Variants in SBNO2 observed in about 807,000 individuals in gnomAD.
SBNO2 encodes strawberry notch homolog 2, also known as protein strawberry notch homolog 2.
In SBNO2, 89 loss-of-function variants were observed where a neutral mutation model predicts 146.3. That is an observed-to-expected ratio of 0.61 (90% CI 0.51 to 0.73). The LOEUF is 0.73. Among genes scored for constraint, SBNO2 ranks in the 30% least tolerant of loss-of-function variants. The probability of loss-of-function intolerance (pLI) is 0.00; values close to 1 mark genes in which losing one functional copy is unlikely to be tolerated. For synonymous variants in SBNO2, 1,147 were observed against 892.6 expected (o/e 1.29, Z -5.08); for missense variants, 2,092 against 2,003.7 (o/e 1.04, Z -0.84).
chr19:1,146,767 T>G (rs1568615471), intron 4 of SBNO2, among the ~76,000 whole-genome samples: 7 of 15,312 alleles, frequency 4.6e-4, no homozygotes, highest in African/African-American at 1.2e-3. Flanking sequence ...GCTGTGAGGG[T>G]GGGGGTGGGG....
intron 4 of SBNO2, among the ~76,000 whole-genome samples, chr19:1,142,758 G>A (rs2080153058): frequency 6.6e-6 from 1 of 152,112 alleles, no homozygotes. Flanking sequence ...CCTGAGGTCA[G>A]GAGTTCGAGA....
Position 1,150,923 on chromosome 19 carries a change from A to G in SBNO2, c.94-1481T>C, listed in dbSNP as rs940419556. ...CCCGCTCCTCCAGCTTTTGCATAAA[A>G]TAAGTTTATCAGCAAAAGCCCACAG... On this transcript the variant is annotated intron_variant, in intron 2 of 31. Transcript: ENST00000361757. This position sits in a 1 kb window ranked among gnomAD's most constrained non-coding sequence, Gnocchi z 6.2. Among the ~76,000 whole-genome samples the G allele has an allele frequency of 6.6e-6, 1 of 152,134 alleles. No homozygotes were observed. The highest frequency in any genetic ancestry group is 1.5e-5 in the Non-Finnish European group (1 of 68,002).
At chr19:1,123,725 A>C (rs1479395393) in intron 6 of SBNO2, 86 bp from the exon 7 acceptor site, 2 of 1,356,284 alleles carry the variant, frequency 1.5e-6, no homozygotes, top group Non-Finnish European at 2.0e-6. Context: ...GGCCAGGCTG[A>C]CCATGGGCAG....
Position 1,111,602 on chromosome 19 carries a change from C to T in SBNO2, c.2713G>A (p.Ala905Thr). 1 of 1,587,020 alleles carries T rather than the reference C, an allele frequency of 6.3e-7. No individual in the cohort carries two copies. The highest frequency in any genetic ancestry group is 8.6e-7 in the Non-Finnish European group (1 of 1,166,926). The change falls in exon 24 of 32, where the codon GCC (alanine) becomes ACC (threonine). Residue 905 changes from alanine to threonine, a missense_variant. Transcript: ENST00000361757. ...YNFENKYGTR[A>T]LHCVLTTILS... ...ATGGTGGTGAGGACACAGTGCAGGG[C>T]CCGGGTGCCATACTAGGGGGAGAAG...
At chr19:1,141,582 T>C (rs539839967) in intron 4 of SBNO2, among the ~76,000 whole-genome samples, 1 of 152,078 alleles carries the variant, frequency 6.6e-6, no homozygotes, top group Non-Finnish European at 1.5e-5. Flanking sequence ...GATCCACGTG[T>C]CCTTCATGGA....
In SBNO2 at chr19:1,113,746, C is replaced by A. The variant is rs548695150; in HGVS notation, c.2078-42G>T. On this transcript the variant is annotated intron_variant, in intron 18 of 31. Transcript: ENST00000361757. ...GGGTCAGGGCAGGACATGTTGGCTG[C>A]CTTCTAGGGCCCACCTAACTCAAGG... 4.2e-6 allele frequency: 6 copies of A among 1,427,662 alleles called. No homozygotes were observed. In the South Asian group the frequency reaches 9.2e-5, roughly 22 times the overall value. 88.4% of individuals were successfully genotyped at this position (1,427,662 alleles called of 1,614,324 possible). A position where few individuals can be genotyped will look rare whatever the true frequency, so the allele number is the denominator to read the frequency against.
Position 1,136,962 on chromosome 19 carries a change from T to C in SBNO2, c.280-9197A>G. On this transcript the variant is annotated intron_variant, in intron 4 of 31. Transcript: ENST00000361757. This position sits in a 1 kb window ranked among gnomAD's most constrained non-coding sequence, Gnocchi z 4.2. ...GGTGGAGAGGTCCTCACAGGACAGG[T>C]GGTGGGCAAGGGGGCAGCACCTGGG... Among the ~76,000 whole-genome samples the C allele has an allele frequency of 6.6e-6, 1 of 150,578 alleles. No individual in the cohort carries two copies. Among genetic ancestry groups the C allele is most frequent in the African/African-American group, 2.5e-5 (1 of 40,620 alleles).
At chr19:1,133,445 T>TC (rs1392552323) in intron 4 of SBNO2, among the ~76,000 whole-genome samples, 1 of 151,846 alleles carries the variant, frequency 6.6e-6, no homozygotes, top group South Asian at 2.1e-4. Flanking sequence ...CCCTGTGCAC[T>TC]CCGCCCCCTC....
chr19:1,134,985 A>T (rs552993790), intron 4 of SBNO2, among the ~76,000 whole-genome samples: 1 of 149,542 alleles, frequency 6.7e-6, no homozygotes, highest in African/African-American at 2.5e-5. Flanking sequence ...GGCAGAGGTT[A>T]CAGTGAGCTG....
In SBNO2 at chr19:1,136,026, A is replaced by AC. The variant is rs1283309869; in HGVS notation, c.280-8262_280-8261insG. On this transcript the variant is annotated intron_variant, in intron 4 of 31. Coordinates refer to ENST00000361757, the MANE Select transcript of SBNO2 (RefSeq NM_014963.3). The surrounding 1 kb of genome is among the most constrained non-coding windows in gnomAD (Gnocchi z 4.2). ...TTGCAGATGTGAGTGGTTAAAAAAAAAAAGGCCGCACTGGCCGAGCGGGTG... is the reference window on the plus strand; with the variant it reads ...TTGCAGATGTGAGTGGTTAAAAAAAACAAAGGCCGCACTGGCCGAGCGGGTG... 6.6e-6 allele frequency among the ~76,000 whole-genome samples: 1 copy of AC among 152,044 alleles called. No homozygotes were observed. Among genetic ancestry groups the AC allele is most frequent in the Non-Finnish European group, 1.5e-5 (1 of 67,952 alleles).
chr19:1,123,698 G>A (rs1422043771), intron 6 of SBNO2, 59 bp from the exon 7 acceptor site: 5 of 1,496,604 alleles, frequency 3.3e-6, no homozygotes, highest in Non-Finnish European at 4.5e-6. Context: ...CGGGCACTGG[G>A]CTCCCCCAGG....
At chr19:1,155,483 C>A (rs1414897788) in intron 1 of SBNO2, among the ~76,000 whole-genome samples, 1 of 152,210 alleles carries the variant, frequency 6.6e-6, no homozygotes, top group Non-Finnish European at 1.5e-5. Context: ...GAGCTGGGAC[C>A]CTTGGCAGCC....
chr19:1,154,725 G>A (rs1219860470), intron 1 of SBNO2, among the ~76,000 whole-genome samples: 1 of 152,200 alleles, frequency 6.6e-6, no homozygotes, highest in African/African-American at 2.4e-5. Context: ...CAGTGGAGCT[G>A]CAGGCTGACT....
At chr19:1,156,099 G>T (rs1197286371) in intron 1 of SBNO2, among the ~76,000 whole-genome samples, 1 of 152,086 alleles carries the variant, frequency 6.6e-6, no homozygotes, top group Admixed American at 6.5e-5. Flanking sequence ...CGTCCTCGGG[G>T]TACACCATAG....
At chr19:1,147,778 C>T (rs1467851815) in intron 3 of SBNO2, among the ~76,000 whole-genome samples, 1 of 152,130 alleles carries the variant, frequency 6.6e-6, no homozygotes, top group African/African-American at 2.4e-5. Context: ...CCATCCCTCC[C>T]CCACACACAG....
At chr19:1,116,721 A>G in intron 16 of SBNO2, 108 bp downstream of exon 16, 1 of 956,152 alleles carries the variant, frequency 1.0e-6, no homozygotes, top group Non-Finnish European at 1.5e-6. Flanking sequence ...CCACCCCAGC[A>G]CCTCCTGCTG....
Position 1,147,432 on chromosome 19 carries a change from TGGGGGGG to T in SBNO2, c.168-19_168-13del. The stretch of plus-strand genomic sequence containing the variant: ...AGCTCATGAACGGGCTGGAGGGAGA[TGGGGGGG>T]GGGGAGGTGAGATGGGGTGCTCAAC... On this transcript the variant is annotated splice_polypyrimidine_tract_variant and intron_variant, in intron 3 of 31. Transcript: ENST00000361757. 1 of 660,002 alleles carries T rather than the reference TGGGGGGG, an allele frequency of 1.5e-6. No individual in the cohort carries two copies. Among genetic ancestry groups the T allele is most frequent in the Non-Finnish European group, 2.3e-6 (1 of 442,320 alleles). 40.9% of individuals were successfully genotyped at this position (660,002 alleles called of 1,614,324 possible). A position where few individuals can be genotyped will look rare whatever the true frequency, so the allele number is the denominator to read the frequency against.
rs142057204 is a variant in SBNO2 at position 1,156,676 on chromosome 19, G to C, written c.-126-2274C>G. ...CCAGAACACGACACAGCCATGAACA[G>C]CAGCGAGGCCGACCTAGGCCACAGC... On this transcript the variant is annotated intron_variant, in intron 1 of 31. Coordinates refer to ENST00000361757, the MANE Select transcript of SBNO2 (RefSeq NM_014963.3). 3.7e-3 allele frequency among the ~76,000 whole-genome samples: 559 copies of C among 152,306 alleles called. 3 individuals carry two copies. Among genetic ancestry groups the C allele is most frequent in the African/African-American group, 0.011 (474 of 41,550 alleles).
chr19:1,132,735 C>T (rs2080045324), intron 4 of SBNO2, among the ~76,000 whole-genome samples: 1 of 152,146 alleles, frequency 6.6e-6, no homozygotes, highest in African/African-American at 2.4e-5. Context: ...GAAGCAAAGT[C>T]CCCTCCCTGC....
Sources: allele counts gnomAD v4.1 joint callset (sites outside exome capture counted in the v4.1 genomes callset), GRCh38; gene constraint gnomAD v4.1.1; non-coding constraint Gnocchi (gnomAD v3.1); transcripts MANE v1.5; gene names NCBI Gene and HGNC (gene_info 2026-07-23, HGNC 2026-07-21).